EFCAB6: variants seen among roughly 807,000 people sequenced by gnomAD.
EFCAB6 encodes EF-hand calcium-binding domain-containing protein 6.
In EFCAB6, 156 loss-of-function variants were observed where a neutral mutation model predicts 169.8. The ratio of observed to expected loss-of-function variants is 0.92; its 90% CI spans 0.81 to 1.05. The LOEUF is 1.05. Ranked by LOEUF, EFCAB6 falls within the 50% of genes least tolerant of loss-of-function variation. EFCAB6 has a pLI of 0.00. For missense variants in EFCAB6, 1,800 were observed against 1,829.1 expected (o/e 0.98, Z 0.29); for synonymous variants, 698 against 676.4 (o/e 1.03, Z -0.50).
intron 17 of EFCAB6, among the ~76,000 whole-genome samples, chr22:43,655,329 G>T (rs769140217): frequency 5.9e-5 from 9 of 152,074 alleles, no homozygotes; most frequent in Non-Finnish European, 1.0e-4. Context: ...GAGAAGAGGG[G>T]CTAAAGGGAG....
chr22:43,647,900 G>C (rs1052498070), intron 17 of EFCAB6, among the ~76,000 whole-genome samples: 2 of 152,200 alleles, frequency 1.3e-5, no homozygotes, highest in Non-Finnish European at 2.9e-5. Context: ...CAGCAGATGA[G>C]AGCATGGCTC....
intron 23 of EFCAB6, among the ~76,000 whole-genome samples, chr22:43,596,187 A>G (rs1417839364): frequency 6.6e-6 from 1 of 152,176 alleles, no homozygotes; most frequent in Non-Finnish European, 1.5e-5. Flanking sequence ...GATCTGGAAT[A>G]AGACAGGATG....
At chr22:43,778,709 A>G (rs2061716113) in intron 3 of EFCAB6, among the ~76,000 whole-genome samples, 2 of 152,242 alleles carry the variant, frequency 1.3e-5, no homozygotes, top group African/African-American at 4.8e-5. Context: ...AGGCAAGCAT[A>G]TGAAACCAGG....
intron 5 of EFCAB6, among the ~76,000 whole-genome samples, chr22:43,758,517 C>CTTT (rs1330827691): frequency 1.3e-5 from 2 of 152,320 alleles, no homozygotes; most frequent in African/African-American, 4.8e-5. Flanking sequence ...TCTTAGAAAA[C>CTTT]TTTAACTCAA....
In EFCAB6 at chr22:43,600,029, G is replaced by C. The variant is rs771360572; in HGVS notation, c.2876+40C>G. 2.5e-6 allele frequency: 4 copies of C among 1,582,236 alleles called. No individual in the cohort carries two copies. In the South Asian group the frequency reaches 3.5e-5, roughly 14 times the overall value. On this transcript the variant is annotated intron_variant, in intron 23 of 31. Coordinates refer to ENST00000262726, the MANE Select transcript of EFCAB6 (RefSeq NM_022785.4). ...GTGCTGTGAGGCCAGATGTAAAAGG[G>C]GACTTCTAGATGATGGCCCCGTGAT...
chr22:43,688,913 C>T (rs781269968), intron 10 of EFCAB6, among the ~76,000 whole-genome samples: 30 of 152,212 alleles, frequency 2.0e-4, no homozygotes, highest in Non-Finnish European at 3.8e-4. Flanking sequence ...TGGCTGACAG[C>T]GAACTGGTTA....
intron 4 of EFCAB6, among the ~76,000 whole-genome samples, chr22:43,770,996 T>C (rs532718082): frequency 2.0e-5 from 3 of 152,250 alleles, no homozygotes; most frequent in African/African-American, 7.2e-5. Flanking sequence ...ATGCCTGAAA[T>C]TCATTGAGCT....
chr22:43,698,893 G>A (rs944313421), intron 10 of EFCAB6, among the ~76,000 whole-genome samples: 1 of 152,180 alleles, frequency 6.6e-6, no homozygotes, highest in Admixed American at 6.5e-5. Context: ...CAGCTCAATT[G>A]TATGTGGTTT....
chr22:43,559,987 A>G (rs1245362036), intron 26 of EFCAB6, among the ~76,000 whole-genome samples: 3 of 152,230 alleles, frequency 2.0e-5, no homozygotes, highest in Non-Finnish European at 4.4e-5. Context: ...TATGTAACAA[A>G]CCTGCATGTT....
chr22:43,759,693 G>T (rs2061085176), intron 5 of EFCAB6: 1 of 152,182 alleles, frequency 6.6e-6, no homozygotes, highest in African/African-American at 2.4e-5. Flanking sequence ...TATACTCAGA[G>T]ACAGAGACTT....
At chr22:43,608,774 G>T (rs995606577) in intron 21 of EFCAB6, among the ~76,000 whole-genome samples, 174 bp from the exon 22 acceptor site, 1 of 152,198 alleles carries the variant, frequency 6.6e-6, no homozygotes, top group African/African-American at 2.4e-5. Context: ...GAAAGAAAGT[G>T]ATAGAGCAAA....
At chr22:43,711,955 C>G (rs1265274167) in intron 9 of EFCAB6, among the ~76,000 whole-genome samples, 2 of 152,124 alleles carry the variant, frequency 1.3e-5, no homozygotes. Flanking sequence ...CAAGTTTTTC[C>G]CTACTGTGAG....
At chr22:43,576,258 A>C (rs1461569911) in intron 26 of EFCAB6, 39 bp downstream of exon 26, 4 of 1,532,808 alleles carry the variant, frequency 2.6e-6, no homozygotes, top group African/African-American at 1.4e-5. Context: ...ATTTTAGCTC[A>C]TTTTCAAAGA....
chr22:43,625,674 C>T (rs778942048), intron 20 of EFCAB6, among the ~76,000 whole-genome samples: 12 of 152,312 alleles, frequency 7.9e-5, no homozygotes, highest in African/African-American at 2.4e-4. Context: ...CAGCACTGCC[C>T]GGGGAGGGGC....
At chr22:43,574,312 G>GA (rs1008728409) in intron 26 of EFCAB6, among the ~76,000 whole-genome samples, 67 of 146,978 alleles carry the variant, frequency 4.6e-4, no homozygotes, top group South Asian at 6.5e-4. Flanking sequence ...AAATGCGTTA[G>GA]AAAAAAAAAA....
At chr22:43,637,565 AG>A (rs1409472849) in intron 17 of EFCAB6, among the ~76,000 whole-genome samples, 1 of 152,228 alleles carries the variant, frequency 6.6e-6, no homozygotes, top group African/African-American at 2.4e-5. Context: ...CCGGGCCAGC[AG>A]GTGAGAAAAA....
At chr22:43,626,196 T>C (rs1408101722) in intron 20 of EFCAB6, among the ~76,000 whole-genome samples, 2 of 152,184 alleles carry the variant, frequency 1.3e-5, no homozygotes, top group African/African-American at 4.8e-5. Context: ...AGTATATGCA[T>C]ATGAAAAAAG....
intron 13 of EFCAB6, among the ~76,000 whole-genome samples, chr22:43,677,674 GAAC>G (rs1173797631): frequency 3.9e-5 from 6 of 152,018 alleles, no homozygotes; most frequent in East Asian, 1.9e-4. Context: ...AAAAAAACAA[GAAC>G]AACAAAAATA....
At chr22:43,639,850 C>T (rs1743413916) in intron 17 of EFCAB6, among the ~76,000 whole-genome samples, 2 of 151,422 alleles carry the variant, frequency 1.3e-5, no homozygotes, top group African/African-American at 2.4e-5. Context: ...AAAAATTTTT[C>T]TCTCTCCTCT....
Sources: allele counts gnomAD v4.1 joint callset (sites outside exome capture counted in the v4.1 genomes callset), GRCh38; gene constraint gnomAD v4.1.1; transcripts MANE v1.5; gene names NCBI Gene and HGNC (gene_info 2026-07-23, HGNC 2026-07-21).